Variants in TRIQK observed in about 807,000 individuals in gnomAD.
The protein encoded by TRIQK is triple QxxK/R motif containing, also known as triple QxxK/R motif-containing protein.
In TRIQK, 10 loss-of-function variants were observed where a neutral mutation model predicts 10.8. The ratio of observed to expected loss-of-function variants is 0.92; its 90% CI spans 0.57 to 1.57. TRIQK has a LOEUF of 1.57. Ranked by LOEUF, TRIQK falls within the 40% of genes most tolerant of loss-of-function variation. The pLI is 0.00. For missense variants in TRIQK, 107 were observed against 97.7 expected (o/e 1.09, Z -0.40); for synonymous variants, 33 against 33.7 (o/e 0.98, Z 0.07).
rs534775661 is a variant in TRIQK at position 92,900,819 on chromosome 8, T to A, written c.62-8745A>T. Among the ~76,000 whole-genome samples the A allele has an allele frequency of 2.3e-4, 35 of 152,238 alleles. No individual in the cohort carries two copies. The East Asian group carries it at 4.1e-3, about 18-fold the overall frequency. Reference sequence around the variant, plus strand: ...GATAGAGATTGCATTGAATTTATAGTTTGCTCTGGGTAGGATAAACAATTT... The same window carrying A: ...GATAGAGATTGCATTGAATTTATAGATTGCTCTGGGTAGGATAAACAATTT... On this transcript the variant is annotated intron_variant, in intron 3 of 4. Transcript: ENST00000521988.
At chr8:92,913,962 C>T (rs1809700489) in intron 3 of TRIQK, among the ~76,000 whole-genome samples, 1 of 151,964 alleles carries the variant, frequency 6.6e-6, no homozygotes, top group Admixed American at 6.6e-5. Context: ...CACAACAGGG[C>T]CTGTCAGGGG....
intron 3 of TRIQK, among the ~76,000 whole-genome samples, chr8:92,905,607 A>G (rs566936488): frequency 6.6e-6 from 1 of 152,188 alleles, no homozygotes; most frequent in South Asian, 2.1e-4. Flanking sequence ...TACTTATTTT[A>G]TCTATGTAGG....
At chr8:92,970,546 T>G (rs998902168), upstream of TRIQK, among the ~76,000 whole-genome samples, 9 of 152,260 alleles carry the variant, frequency 5.9e-5, no homozygotes, top group Non-Finnish European at 1.2e-4. Flanking sequence ...ATTTCTCTAA[T>G]GATCAGTGAT....
chr8:92,919,618 T>G (rs1261482985), intron 2 of TRIQK, among the ~76,000 whole-genome samples: 1 of 151,854 alleles, frequency 6.6e-6, no homozygotes, highest in Non-Finnish European at 1.5e-5. Flanking sequence ...ATTGTGTTCT[T>G]GTCTAGTTTT....
intron 4 of TRIQK, among the ~76,000 whole-genome samples, chr8:92,888,563 G>C (rs746671163): frequency 1.3e-5 from 2 of 151,532 alleles, no homozygotes; most frequent in African/African-American, 4.8e-5. Context: ...TGAATGTCGG[G>C]AGAGTTGAAA....
intron 2 of TRIQK, among the ~76,000 whole-genome samples, chr8:92,931,445 T>G (rs1475280987): frequency 1.3e-5 from 2 of 152,168 alleles, no homozygotes; most frequent in African/African-American, 4.8e-5. Flanking sequence ...TAAGTCACAT[T>G]ACCCAATATT....
chr8:92,979,691 A>G (rs1812966924), intron 1 of TRIQK, among the ~76,000 whole-genome samples: 2 of 151,994 alleles, frequency 1.3e-5, no homozygotes. Flanking sequence ...CAAATATTAT[A>G]GTTTTATAGT....
intron 3 of TRIQK, among the ~76,000 whole-genome samples, chr8:92,900,374 AG>A (rs1446216658): frequency 1.3e-5 from 2 of 152,104 alleles, no homozygotes; most frequent in African/African-American, 4.8e-5. Flanking sequence ...GTAGTTTCAT[AG>A]TTTGAGGTTT....
intron 1 of TRIQK, among the ~76,000 whole-genome samples, chr8:92,976,233 A>G (rs1047274507): frequency 2.6e-5 from 4 of 151,960 alleles, no homozygotes; most frequent in Non-Finnish European, 5.9e-5. Flanking sequence ...TGTTTTAATA[A>G]TTACTTGAGA....
Position 92,886,743 on chromosome 8 carries a change from G to T in TRIQK, c.148-8C>A, listed in dbSNP as rs557619603. ...AAGTACAAGGCCAACTTCCTGGGAA[G>T]AAAAAAAAAGTAGACTTGAAATTGA... On this transcript the variant is annotated splice_region_variant and splice_polypyrimidine_tract_variant and intron_variant, in intron 4 of 4. Transcript: ENST00000521988. The T allele has an allele frequency of 2.1e-6, 3 of 1,407,176 alleles. No individual in the cohort carries two copies. In the South Asian group the frequency reaches 3.9e-5, roughly 18 times the overall value. The allele number at this position is 1,407,176 out of a possible 1,614,324, so 87.2% of individuals were successfully genotyped here.
At chr8:92,930,390 C>CAAAAAAAAAAAAAAAA (rs66513185) in intron 2 of TRIQK, among the ~76,000 whole-genome samples, 1 of 47,140 alleles carries the variant, frequency 2.1e-5, no homozygotes, top group South Asian at 1.3e-3. Flanking sequence ...ACTAGGTCTC[C>CAAAAAAAAAAAAAAAA]AAAAAAAAAA....
intron 2 of TRIQK, among the ~76,000 whole-genome samples, chr8:92,935,702 T>C (rs1412436112): frequency 1.3e-5 from 2 of 151,350 alleles, no homozygotes; most frequent in Admixed American, 6.6e-5. Context: ...CAAACTCTTG[T>C]CCTGACGGAA....
At chr8:92,944,251 TC>T (rs1488419437) in intron 2 of TRIQK, among the ~76,000 whole-genome samples, 2 of 150,472 alleles carry the variant, frequency 1.3e-5, no homozygotes, top group African/African-American at 4.9e-5. Flanking sequence ...TTACACACTG[TC>T]GTGGGAATGT....
upstream of TRIQK, among the ~76,000 whole-genome samples, chr8:92,970,762 T>C (rs1209681074): frequency 6.6e-6 from 1 of 152,146 alleles, no homozygotes; most frequent in African/African-American, 2.4e-5. Context: ...TTTTCACTCA[T>C]GATAGTTTCT....
chr8:92,951,309 T>C (rs1480337325), intron 2 of TRIQK, among the ~76,000 whole-genome samples: 1 of 152,058 alleles, frequency 6.6e-6, no homozygotes, highest in Non-Finnish European at 1.5e-5. Context: ...CACTACTCCA[T>C]CCCTTTTCCA....
intron 3 of TRIQK, 36 bp from the exon 4 acceptor site, chr8:92,892,110 C>A: frequency 1.5e-6 from 2 of 1,309,700 alleles, no homozygotes; most frequent in South Asian, 2.7e-5. Flanking sequence ...GAGTTATGCT[C>A]ATATATAATT....
At chr8:92,927,236 G>C (rs1271879769) in intron 2 of TRIQK, among the ~76,000 whole-genome samples, 1 of 152,048 alleles carries the variant, frequency 6.6e-6, no homozygotes, top group Admixed American at 6.6e-5. Context: ...TAGTCTACTA[G>C]AGTAAGTAAA....
chr8:92,943,526 T>C (rs537835085), intron 2 of TRIQK, among the ~76,000 whole-genome samples: 2 of 152,218 alleles, frequency 1.3e-5, no homozygotes, highest in East Asian at 3.9e-4. Context: ...TCCATACACT[T>C]ACAGCCAACT....
At chr8:92,949,742 A>G (rs1038373025) in intron 2 of TRIQK, among the ~76,000 whole-genome samples, 16 of 115,520 alleles carry the variant, frequency 1.4e-4, no homozygotes, top group Admixed American at 2.5e-4. Flanking sequence ...GAAGGAAGAA[A>G]GGAAGGAAAG....
Sources: gnomAD v4.1 joint callset for allele counts (sites outside exome capture counted in the v4.1 genomes callset) on GRCh38, gnomAD v4.1.1 for gene constraint, MANE v1.5 for transcripts, NCBI Gene and HGNC (gene_info 2026-07-23, HGNC 2026-07-21) for gene names.